The following OR51B5 variants were observed in gnomAD, a reference collection of about 807,000 sequenced individuals.
OR51B5 encodes olfactory receptor family 51 subfamily B member 5, also known as olfactory receptor 51B5.
For synonymous variants in OR51B5, 186 were observed against 144.8 expected, an observed-to-expected ratio of 1.28 and a Z score of -2.04; for missense variants, 456 against 374.6, an observed-to-expected ratio of 1.22 and a Z score of -1.79.
At chr11:5,489,149 G>T in intron 1 of OR51B5, 1 of 1,613,878 alleles carries the variant, frequency 6.2e-7, no homozygotes, top group South Asian at 1.1e-5. Context: ...GGCAGAATTG[G>T]CTTTGTTGGG....
At chr11:5,342,809 C>G (rs535530130) in exon 1 of OR51B5, 18 of 1,613,384 alleles carry the variant, frequency 1.1e-5, no homozygotes, top group Non-Finnish European at 1.5e-5. Context: ...ATGGGAGACA[C>G]AGGTAATGAG....
intron 1 of OR51B5, among the ~76,000 whole-genome samples, chr11:5,415,761 A>G (rs539716322): frequency 6.6e-6 from 1 of 152,198 alleles, no homozygotes; most frequent in South Asian, 2.1e-4. Context: ...CAATAACAGG[A>G]GCTGAAATTG....
intron 1 of OR51B5, among the ~76,000 whole-genome samples, chr11:5,414,050 T>A (rs1422644868): frequency 3.1e-4 from 47 of 150,458 alleles, no homozygotes; most frequent in Non-Finnish European, 1.3e-4. Context: ...CGGGTTACCC[T>A]CAAAGGGAAG....
chr11:5,340,718 T>C (rs1036129240), downstream of OR51B5: 1 of 152,208 alleles, frequency 6.6e-6, no homozygotes, highest in Admixed American at 6.5e-5. Flanking sequence ...ACTGGCCTTA[T>C]AGTTAGAAGA....
intron 1 of OR51B5, among the ~76,000 whole-genome samples, chr11:5,434,991 T>G (rs74338885): frequency 0.072 from 11,012 of 152,180 alleles, 460 homozygotes; most frequent in African/African-American, 0.099. Flanking sequence ...GAATGGCAGA[T>G]AGATTTTTTT....
At chr11:5,501,721 A>G (rs1846293147) in intron 1 of OR51B5, among the ~76,000 whole-genome samples, 2 of 148,322 alleles carry the variant, frequency 1.3e-5, no homozygotes, top group African/African-American at 4.8e-5. Context: ...GATTATATGC[A>G]CAGAATTTAC....
chr11:5,401,557 T>C (rs1849967459), intron 1 of OR51B5, among the ~76,000 whole-genome samples: 1 of 152,258 alleles, frequency 6.6e-6, no homozygotes, highest in African/African-American at 2.4e-5. Context: ...TAATTATTCA[T>C]ACAATTATAT....
intron 1 of OR51B5, among the ~76,000 whole-genome samples, chr11:5,405,999 A>C (rs2133745978): frequency 6.6e-6 from 1 of 152,304 alleles, no homozygotes; most frequent in East Asian, 1.9e-4. Context: ...CTGAGATGAG[A>C]AGAGAAGAAA....
At chr11:5,409,832 C>T (rs1022575199) in intron 1 of OR51B5, among the ~76,000 whole-genome samples, 2 of 152,020 alleles carry the variant, frequency 1.3e-5, no homozygotes, top group African/African-American at 2.4e-5. Flanking sequence ...TATGAAAGCC[C>T]TGAATAAGCA....
intron 1 of OR51B5, among the ~76,000 whole-genome samples, chr11:5,478,313 A>T (rs1204258744): frequency 6.6e-6 from 1 of 151,372 alleles, no homozygotes; most frequent in Non-Finnish European, 1.5e-5. Context: ...GTCTGTTAGA[A>T]GGAAAACTAA....
In OR51B5 at chr11:5,500,759, C is replaced by A. The variant is rs796390553; in HGVS notation, n.84+4810G>T. Among the ~76,000 whole-genome samples, 54 of 148,210 alleles carry A rather than the reference C, an allele frequency of 3.6e-4. 3 individuals carry two copies. The highest frequency in any genetic ancestry group is 1.3e-3 in the African/African-American group (52 of 41,200). ...GTGGGAAGCCCCTATGACCAATGAA[C>A]TTTTGTTTCAAAACGACCTTCATAT... On this transcript the variant is annotated intron_variant and non_coding_transcript_variant, in intron 1 of 4. Transcript: ENST00000415970.
At chr11:5,355,483 G>A (rs1849178521) in intron 1 of OR51B5, 1 of 152,572 alleles carries the variant, frequency 6.6e-6, no homozygotes, top group Non-Finnish European at 1.5e-5. Context: ...ATGGCCTAGG[G>A]AGCTTTCATT....
At chr11:5,436,254 CAGT>C (rs1850590637) in intron 1 of OR51B5, among the ~76,000 whole-genome samples, 1 of 152,072 alleles carries the variant, frequency 6.6e-6, no homozygotes, top group African/African-American at 2.4e-5. Flanking sequence ...CACAGGGTGA[CAGT>C]CTGGGGTTCA....
chr11:5,455,568 A>AGAGAGAGAGAGAAAGAGAAAGAG (rs531763892), intron 1 of OR51B5: 1 of 135,318 alleles, frequency 7.4e-6, no homozygotes, highest in Admixed American at 7.9e-5. Flanking sequence ...AAGGGGGGAG[A>AGAGAGAGAGAGAAAGAGAAAGAG]GAGAGAGAGA....
intron 1 of OR51B5, among the ~76,000 whole-genome samples, chr11:5,487,294 A>C (rs1851512094): frequency 6.6e-6 from 1 of 152,090 alleles, no homozygotes; most frequent in African/African-American, 2.4e-5. Context: ...AAAATAGGGG[A>C]ATTATTCTGG....
intron 1 of OR51B5, among the ~76,000 whole-genome samples, chr11:5,415,842 G>C (rs574174196): frequency 2.4e-4 from 37 of 152,048 alleles, no homozygotes; most frequent in African/African-American, 8.9e-4. Context: ...AATTCTACCA[G>C]AGGTACAAGG....
chr11:5,480,129 T>G (rs909860607), intron 1 of OR51B5, among the ~76,000 whole-genome samples: 1 of 152,064 alleles, frequency 6.6e-6, no homozygotes, highest in Non-Finnish European at 1.5e-5. Context: ...TCATCAAATG[T>G]AAAAGAACAG....
At chr11:5,402,123 C>T (rs35599130) in intron 1 of OR51B5, among the ~76,000 whole-genome samples, 55,762 of 151,682 alleles carry the variant, frequency 0.37, 10,360 homozygotes, top group South Asian at 0.43. Context: ...GTGATCTTCC[C>T]ACCTCAGCCT....
chr11:5,342,729 C>A, exon 1 of OR51B5: 13 of 1,613,740 alleles, frequency 8.1e-6, no homozygotes, highest in Non-Finnish European at 1.1e-5. Flanking sequence ...ATATGTGGAA[C>A]CTGCTTTCCA....
Sources: allele counts gnomAD v4.1 joint callset (sites outside exome capture counted in the v4.1 genomes callset), GRCh38; gene constraint gnomAD v4.1.1; transcripts MANE v1.5; gene names NCBI Gene and HGNC (gene_info 2026-07-23, HGNC 2026-07-21).